RIT2: variants seen among roughly 807,000 people sequenced by gnomAD.
RIT2 encodes Ras like without CAAX 2.
Under a neutral mutation model 23.7 loss-of-function variants are expected in RIT2, and 24 were observed. That is an observed-to-expected ratio of 1.01 (90% CI 0.73 to 1.43). The LOEUF is 1.43. RIT2 is among the 40% of genes most tolerant of loss of function. The probability of loss-of-function intolerance (pLI) is 0.00; values close to 1 mark genes in which losing one functional copy is unlikely to be tolerated. For missense variants in RIT2, 236 were observed against 266.9 expected (o/e 0.88, Z 0.81); for synonymous variants, 107 against 91.1 (o/e 1.17, Z -0.99).
chr18:42,986,441 T>C (rs1363507209), intron 2 of RIT2, among the ~76,000 whole-genome samples: 1 of 151,950 alleles, frequency 6.6e-6, no homozygotes, highest in Non-Finnish European at 1.5e-5. Flanking sequence ...GGGGTGGTGG[T>C]TTTTAGTTGG....
At chr18:42,941,297 TG>T (rs760013026) in intron 3 of RIT2, among the ~76,000 whole-genome samples, 24 of 152,250 alleles carry the variant, frequency 1.6e-4, no homozygotes, top group Admixed American at 7.9e-4. Flanking sequence ...TGGTATGATT[TG>T]AGGAACACTA....
chr18:42,870,075 ACTTT>A (rs1907583155), intron 4 of RIT2, among the ~76,000 whole-genome samples: 1 of 152,136 alleles, frequency 6.6e-6, no homozygotes, highest in Non-Finnish European at 1.5e-5. Flanking sequence ...CACTAACCTA[ACTTT>A]CTCCCTGGAC....
intron 4 of RIT2, among the ~76,000 whole-genome samples, chr18:42,846,388 A>G (rs1906909663): frequency 6.6e-6 from 1 of 152,014 alleles, no homozygotes; most frequent in Admixed American, 6.6e-5. Context: ...AGCTTTTCAA[A>G]CCATGAATTT....
chr18:42,832,575 G>A (rs1212322477), intron 4 of RIT2, among the ~76,000 whole-genome samples: 2 of 152,052 alleles, frequency 1.3e-5, no homozygotes, highest in African/African-American at 4.8e-5. Context: ...TATTTATGGG[G>A]TACACATATT....
At chr18:42,790,516 C>T (rs905319865) in intron 4 of RIT2, among the ~76,000 whole-genome samples, 1 of 152,218 alleles carries the variant, frequency 6.6e-6, no homozygotes, top group African/African-American at 2.4e-5. Flanking sequence ...CATCTCGGCT[C>T]ACTGCAAGCT....
chr18:43,010,239 G>A lies in RIT2; in HGVS notation c.160+23572C>T, dbSNP rs551434366. On this transcript the variant is annotated intron_variant, in intron 2 of 4. Transcript: ENST00000326695. ...TGTAGAGAAATTCTTATAATGAGCC[G>A]TTTTTGTCAAACTTGAATTAGGCTG... 1.3e-4 allele frequency among the ~76,000 whole-genome samples: 20 copies of A among 151,846 alleles called. 1 individual carries two copies. The highest frequency in any genetic ancestry group is 3.3e-4 in the Admixed American group (5 of 15,208).
chr18:42,841,412 T>A (rs1160437175), intron 4 of RIT2, among the ~76,000 whole-genome samples: 4 of 152,208 alleles, frequency 2.6e-5, no homozygotes, highest in African/African-American at 9.6e-5. Context: ...CTTTCTAATT[T>A]TCCTTCTATA....
chr18:42,753,626 C>T (rs1242896878), intron 4 of RIT2, among the ~76,000 whole-genome samples: 2 of 152,318 alleles, frequency 1.3e-5, no homozygotes, highest in Non-Finnish European at 1.5e-5. Flanking sequence ...ATGCAGTCTA[C>T]ATCATCAAAG....
rs962506366 is a variant in RIT2 at position 43,008,139 on chromosome 18, G to A, written c.160+25672C>T. On this transcript the variant is annotated intron_variant, in intron 2 of 4. Coordinates refer to ENST00000326695, the MANE Select transcript of RIT2 (RefSeq NM_002930.4). ...TAGAAATTTGTAGGAATTTCTGAAG[G>A]CAGATTAATGCATTAAACTACACAA... Among the ~76,000 whole-genome samples, 3 of 151,468 alleles carry A rather than the reference G, an allele frequency of 2.0e-5. No individual in the cohort carries two copies. The Admixed American group carries it at 2.0e-4, about 10-fold the overall frequency.
At chr18:42,800,550 T>C (rs1254967331) in intron 4 of RIT2, among the ~76,000 whole-genome samples, 2 of 140,340 alleles carry the variant, frequency 1.4e-5, no homozygotes, top group African/African-American at 5.1e-5. Context: ...TTAGACGGAG[T>C]CTCGCTCTGT....
chr18:42,987,734 C>T (rs1044028561), intron 2 of RIT2, among the ~76,000 whole-genome samples: 1 of 152,156 alleles, frequency 6.6e-6, no homozygotes, highest in Non-Finnish European at 1.5e-5. Context: ...TTATTTGGCT[C>T]ACAGTTCTGC....
chr18:42,851,965 A>C (rs1223977163), intron 4 of RIT2, among the ~76,000 whole-genome samples: 2 of 152,194 alleles, frequency 1.3e-5, no homozygotes, highest in African/African-American at 4.8e-5. Context: ...GATACATGGG[A>C]TCCCACAGAT....
intron 4 of RIT2, among the ~76,000 whole-genome samples, chr18:42,824,479 A>G (rs1340533375): frequency 6.6e-6 from 1 of 152,062 alleles, no homozygotes; most frequent in Non-Finnish European, 1.5e-5. Context: ...TTGCAACAGT[A>G]TGCACAAGAT....
intron 1 of RIT2, among the ~76,000 whole-genome samples, chr18:43,061,023 C>T (rs1912631652): frequency 6.6e-6 from 1 of 152,036 alleles, no homozygotes. Flanking sequence ...ATAACAATCC[C>T]TGTGACCAAG....
intron 1 of RIT2, among the ~76,000 whole-genome samples, chr18:43,041,372 T>A (rs2144294566): frequency 6.6e-6 from 1 of 152,282 alleles, no homozygotes; most frequent in East Asian, 1.9e-4. Context: ...TTATTACCCT[T>A]GTATAGCAAG....
At chr18:43,012,210 T>C (rs904535782) in intron 2 of RIT2, among the ~76,000 whole-genome samples, 8 of 151,968 alleles carry the variant, frequency 5.3e-5, no homozygotes, top group Admixed American at 4.6e-4. Flanking sequence ...TGAGCATTAC[T>C]ATGCAAAGGT....
chr18:42,885,651 G>C (rs1205352291), intron 4 of RIT2, among the ~76,000 whole-genome samples: 1 of 152,058 alleles, frequency 6.6e-6, no homozygotes, highest in South Asian at 2.1e-4. Context: ...ACATTTTCAT[G>C]GATCTTTACT....
At chr18:42,997,236 T>C (rs1476773787) in intron 2 of RIT2, among the ~76,000 whole-genome samples, 1 of 152,172 alleles carries the variant, frequency 6.6e-6, no homozygotes, top group Non-Finnish European at 1.5e-5. Flanking sequence ...ATGTCCTTTT[T>C]ATGTGGTTAG....
intron 2 of RIT2, among the ~76,000 whole-genome samples, chr18:42,993,175 C>G (rs2144230915): frequency 6.6e-6 from 1 of 152,318 alleles, no homozygotes; most frequent in South Asian, 2.1e-4. Flanking sequence ...GGCCACTGGG[C>G]CAAGGAATGC....
Sources: gnomAD v4.1 joint callset for allele counts (sites outside exome capture counted in the v4.1 genomes callset) on GRCh38, gnomAD v4.1.1 for gene constraint, MANE v1.5 for transcripts, NCBI Gene and HGNC (gene_info 2026-07-23, HGNC 2026-07-21) for gene names.